The following DERL2 variants were observed in gnomAD, a reference collection of about 807,000 sequenced individuals.
DERL2 encodes the protein derlin 2.
A neutral mutation model predicts 32.0 loss-of-function variants in DERL2; 13 were observed. The ratio of observed to expected loss-of-function variants is 0.41; its 90% confidence interval spans 0.26 to 0.65. The LOEUF (loss-of-function observed/expected upper bound fraction) is 0.65. DERL2 is among the 30% of genes least tolerant of loss of function. The probability of loss-of-function intolerance (pLI) is 0.35; values close to 1 mark genes in which losing one functional copy is unlikely to be tolerated. For missense variants in DERL2, 208 were observed against 296.3 expected (o/e 0.70, Z 2.19); for synonymous variants, 111 against 104.7 (o/e 1.06, Z -0.37).
intron 2 of DERL2, among the ~76,000 whole-genome samples, chr17:5,483,454 C>T (rs1905938332): frequency 6.6e-6 from 1 of 151,830 alleles, no homozygotes; most frequent in South Asian, 2.1e-4. Flanking sequence ...GCTGGGATTA[C>T]AGGCGTGAGC....
chr17:5,482,116 C>T (rs971893554), intron 3 of DERL2, among the ~76,000 whole-genome samples: 5 of 152,094 alleles, frequency 3.3e-5, no homozygotes, highest in Admixed American at 3.3e-4. Flanking sequence ...GCACCTCAGT[C>T]AATAAAGATG....
At chr17:5,476,506 G>A (rs1905387248) in intron 6 of DERL2, among the ~76,000 whole-genome samples, 1 of 152,184 alleles carries the variant, frequency 6.6e-6, no homozygotes, top group Non-Finnish European at 1.5e-5. Context: ...ATCCCGGCAG[G>A]TGTGGTGGCT....
rs1046160777 is a variant in DERL2, at chr17:5,481,557, G to T, written c.234-168C>A. On this transcript the variant is annotated intron_variant, in intron 3 of 6. Coordinates refer to ENST00000158771, the MANE Select transcript of DERL2 (RefSeq NM_016041.5). The surrounding 1 kb of genome is among the most constrained non-coding windows in gnomAD (Gnocchi z 4.4). The stretch of plus-strand genomic sequence containing the variant: ...GTGATTACTTTTTTACCAAGCATTT[G>T]AGAAAAGGTCAAGACCAGCATCATT... Among the ~76,000 whole-genome samples, 1 of 152,162 alleles carries T rather than the reference G, an allele frequency of 6.6e-6. No individual in the cohort carries two copies. The highest frequency in any genetic ancestry group is 2.4e-5 in the African/African-American group (1 of 41,440).
At chr17:5,480,666 C>A in intron 4 of DERL2, 84 bp from the exon 5 acceptor site, 1 of 1,231,026 alleles carries the variant, frequency 8.1e-7, no homozygotes, top group Non-Finnish European at 1.1e-6. Context: ...TGTGTTCTAA[C>A]AGAAGTTTGA....
chr17:5,481,468 T>A lies in DERL2; in HGVS notation c.234-79A>T. The stretch of plus-strand genomic sequence containing the variant: ...ATTTAATGTTATCTTGTAAGTACAC[T>A]TGGATTCCATATTATTTGTAATTAG... On this transcript the variant is annotated intron_variant, in intron 3 of 6. Coordinates refer to ENST00000158771, the MANE Select transcript of DERL2 (RefSeq NM_016041.5). This position sits in a 1 kb window ranked among gnomAD's most constrained non-coding sequence, Gnocchi z 4.4. 1.1e-6 allele frequency: 1 copy of A among 937,396 alleles called. No homozygotes were observed. Among genetic ancestry groups the A allele is most frequent in the South Asian group, 1.4e-5 (1 of 73,400 alleles). The allele number at this position is 937,396 out of a possible 1,614,324, so 58.1% of individuals were successfully genotyped here. A position where few individuals can be genotyped will look rare whatever the true frequency, so the allele number is the denominator to read the frequency against.
intron 2 of DERL2, 78 bp from the exon 3 acceptor site, chr17:5,482,960 A>T (rs1238502289): frequency 1.2e-6 from 1 of 800,438 alleles, no homozygotes; most frequent in African/African-American, 1.8e-5. Context: ...AATACAAAAG[A>T]AACATCCTAT....
intron 6 of DERL2, among the ~76,000 whole-genome samples, chr17:5,479,495 GTAAAAAAAAA>G (rs1905620465): frequency 1.9e-5 from 1 of 52,662 alleles, no homozygotes; most frequent in African/African-American, 9.9e-5. Flanking sequence ...GAGACTCCAT[GTAAAAAAAAA>G]AAAAAAAAAA....
chr17:5,471,941 T>C lies in DERL2; in HGVS notation c.*2743A>G, dbSNP rs923440213. 33 of 152,168 alleles carry C rather than the reference T, an allele frequency of 2.2e-4. 1 individual carries two copies. Among genetic ancestry groups the C allele is most frequent in the Non-Finnish European group, 4.4e-5 (3 of 68,042 alleles). The allele number at this position is 152,168 out of a possible 1,614,324, so 9.4% of individuals were successfully genotyped here. A position where few individuals can be genotyped will look rare whatever the true frequency, so the allele number is the denominator to read the frequency against. ...GCCCCAGAGACTGAGGGTTTCATTA[T>C]CCAGACCCAGGACTTAGGTGTTCTG... On this transcript the variant is annotated 3_prime_UTR_variant, in exon 7 of 7. Transcript: ENST00000158771.
intron 4 of DERL2, chr17:5,480,837 A>T: frequency 2.2e-6 from 1 of 455,722 alleles, no homozygotes; most frequent in Non-Finnish European, 3.8e-6. Context: ...GCCTCTTTGG[A>T]AAATGTGTTA....
chr17:5,478,645 C>T (rs1342880189), intron 6 of DERL2, among the ~76,000 whole-genome samples: 1 of 152,144 alleles, frequency 6.6e-6, no homozygotes, highest in Admixed American at 6.5e-5. Context: ...AGAGATTTAG[C>T]TACAAGGACA....
Position 5,485,210 on chromosome 17 carries a change from C to T in DERL2, c.100G>A (p.Glu34Lys). Residue 34 changes from glutamate (E) to lysine (K), a missense_variant, in exon 2 of 7, where the codon GAA becomes AAA. Glu to Lys is a moderately conservative substitution (Grantham distance 56). Transcript: ENST00000158771. ...CVLTTAAVQL[E>K]LITPFQLYFN... ...TACAACTGAAAAGGTGTGATCAATT[C>T]CAACTGCTGAAATAGAAAAAGAGCT... The T allele has an allele frequency of 6.3e-7, 1 of 1,585,148 alleles. No homozygotes were observed. The highest frequency in any genetic ancestry group is 8.6e-7 in the Non-Finnish European group (1 of 1,168,896).
At position 5,472,788 on chromosome 17, in the gene DERL2, CA is replaced by C. The variant is rs1428857789; in HGVS notation, c.*1895del. 1 of 147,116 alleles carries C rather than the reference CA, an allele frequency of 6.8e-6. No individual in the cohort carries two copies. The highest frequency in any genetic ancestry group is 6.7e-5 in the Admixed American group (1 of 14,858). 9.1% of individuals were successfully genotyped at this position (147,116 alleles called of 1,614,324 possible). On this transcript the variant is annotated 3_prime_UTR_variant, in exon 7 of 7. Coordinates refer to ENST00000158771, the MANE Select transcript of DERL2 (RefSeq NM_016041.5). The stretch of plus-strand genomic sequence containing the variant: ...CCAAAAACAATTTAAAAAAAAAAAA[CA>C]AAAAACAAAATTCTAACAAACGTCA...
intron 3 of DERL2, 73 bp downstream of exon 3, chr17:5,482,736 A>G (rs1161612025): frequency 3.5e-6 from 3 of 852,532 alleles, no homozygotes; most frequent in Admixed American, 2.6e-5. Flanking sequence ...AAGTAACAGG[A>G]TGAAAAGTTT....
In DERL2 at chr17:5,481,033, C is replaced by A; in HGVS notation, c.327+263G>T. ...GGTAGCCACCAAGTAAATGTCTTAC[C>A]AACTTAGTTTAAAAGTGAAGTACGC... On this transcript the variant is annotated intron_variant, in intron 4 of 6. Transcript: ENST00000158771. The surrounding 1 kb of genome is among the most constrained non-coding windows in gnomAD (Gnocchi z 4.4). 2 of 548,986 alleles carry A rather than the reference C, an allele frequency of 3.6e-6. No homozygotes were observed. The highest frequency in any genetic ancestry group is 5.3e-5 in the South Asian group (2 of 37,936). The allele number at this position is 548,986 out of a possible 1,614,324, so 34.0% of individuals were successfully genotyped here. A position where few individuals can be genotyped will look rare whatever the true frequency, so the allele number is the denominator to read the frequency against.
At chr17:5,482,659 T>C (rs1027403520) in intron 3 of DERL2, 150 bp downstream of exon 3, 2 of 551,072 alleles carry the variant, frequency 3.6e-6, no homozygotes, top group Non-Finnish European at 6.6e-6. Context: ...TTTCAAAACA[T>C]TACTACCTAA....
At chr17:5,486,333 C>A, upstream of DERL2, 1 of 472,750 alleles carries the variant, frequency 2.1e-6, no homozygotes, top group Non-Finnish European at 3.8e-6. Context: ...GCACATCCGC[C>A]AATCACGAGT....
chr17:5,486,322 C>A (rs3026156), upstream of DERL2: 61,363 of 496,784 alleles, frequency 0.12, 5,296 homozygotes, highest in African/African-American at 0.32. Flanking sequence ...ACCTAAGGAA[C>A]GCACATCCGC....
At chr17:5,479,220 T>G (rs748766227) in intron 6 of DERL2, among the ~76,000 whole-genome samples, 3 of 152,206 alleles carry the variant, frequency 2.0e-5, no homozygotes, top group Non-Finnish European at 4.4e-5. Context: ...CAGCGTTTTT[T>G]AAAAAGTACA....
At position 5,472,806 on chromosome 17, in the gene DERL2, C is replaced by T. The variant is rs1196796928; in HGVS notation, c.*1878G>A. 1 of 150,942 alleles carries T rather than the reference C, an allele frequency of 6.6e-6. No individual in the cohort carries two copies. The highest frequency in any genetic ancestry group is 1.9e-4 in the East Asian group (1 of 5,172). 9.4% of individuals were successfully genotyped at this position (150,942 alleles called of 1,614,324 possible). ...AAAAAAACAAAAAACAAAATTCTAACAAACGTCACTGATAAAGCGTTCTTG... is the reference window on the plus strand; with the variant it reads ...AAAAAAACAAAAAACAAAATTCTAATAAACGTCACTGATAAAGCGTTCTTG... On this transcript the variant is annotated 3_prime_UTR_variant, in exon 7 of 7. Coordinates refer to ENST00000158771, the MANE Select transcript of DERL2 (RefSeq NM_016041.5).
Sources: gnomAD v4.1 joint callset for allele counts (sites outside exome capture counted in the v4.1 genomes callset) on GRCh38, gnomAD v4.1.1 for gene constraint, Gnocchi (gnomAD v3.1) non-coding constraint, MANE v1.5 for transcripts, NCBI Gene and HGNC (gene_info 2026-07-23, HGNC 2026-07-21) for gene names.